The following XIRP2 variants were observed in gnomAD, a reference collection of about 807,000 sequenced individuals.
The protein encoded by XIRP2 is xin actin-binding repeat-containing protein 2.
A neutral mutation model predicts 277.0 loss-of-function variants in XIRP2; 236 were observed. That is an observed-to-expected ratio of 0.85 (90% CI 0.77 to 0.95). The LOEUF is 0.95. Among genes scored for constraint, XIRP2 ranks in the 40% least tolerant of loss-of-function variants. The probability of loss-of-function intolerance (pLI) is 0.00; values close to 1 mark genes in which losing one functional copy is unlikely to be tolerated. For missense variants in XIRP2, 4,640 were observed against 4,157.5 expected (o/e 1.12, Z -3.19); for synonymous variants, 1,490 against 1,416.5 (o/e 1.05, Z -1.17).
At chr2:167,028,581 G>A (rs981220356) in intron 2 of XIRP2, among the ~76,000 whole-genome samples, 1 of 151,906 alleles carries the variant, frequency 6.6e-6, no homozygotes, top group African/African-American at 2.4e-5. Context: ...TATTTGGGAA[G>A]CCTTCCCAAG....
intron 5 of XIRP2, among the ~76,000 whole-genome samples, chr2:167,233,915 A>C (rs967240180): frequency 2.0e-5 from 3 of 151,664 alleles, no homozygotes; most frequent in Non-Finnish European, 4.4e-5. Context: ...TTTATTGTGA[A>C]TTGAATGTCT....
chr2:166,940,613 G>C (rs932879139), intron 2 of XIRP2, among the ~76,000 whole-genome samples: 2 of 152,188 alleles, frequency 1.3e-5, no homozygotes, highest in African/African-American at 4.8e-5. Flanking sequence ...GTGGCGTACA[G>C]ATGGGGTTTT....
At chr2:167,194,857 G>A (rs1693455415) in intron 3 of XIRP2, among the ~76,000 whole-genome samples, 1 of 152,070 alleles carries the variant, frequency 6.6e-6, no homozygotes, top group South Asian at 2.1e-4. Flanking sequence ...AAGTTCTAAA[G>A]CATCAGTCCC....
chr2:167,071,106 T>G (rs1689426776), intron 2 of XIRP2, among the ~76,000 whole-genome samples: 1 of 152,124 alleles, frequency 6.6e-6, no homozygotes. Context: ...CCCGTACACA[T>G]AATATTAAGG....
chr2:167,088,480 A>G (rs78961750), intron 2 of XIRP2, among the ~76,000 whole-genome samples: 2 of 152,276 alleles, frequency 1.3e-5, no homozygotes, highest in Admixed American at 6.5e-5. Flanking sequence ...AGTACAACCT[A>G]TTCTCCACAT....
At chr2:166,961,449 GAA>G (rs1387966984) in intron 2 of XIRP2, among the ~76,000 whole-genome samples, 2 of 151,660 alleles carry the variant, frequency 1.3e-5, no homozygotes, top group Non-Finnish European at 3.0e-5. Flanking sequence ...AGTAAAAAAA[GAA>G]TAACTTCAAA....
intron 5 of XIRP2, among the ~76,000 whole-genome samples, chr2:167,221,460 CAAAAAAAAAAAA>C (rs57006710): frequency 6.3e-5 from 4 of 63,458 alleles, no homozygotes; most frequent in East Asian, 5.5e-4. Context: ...AACTCCATCT[CAAAAAAAAAAAA>C]AAAAAAAAAA....
At chr2:167,038,682 T>C (rs1335604471) in intron 2 of XIRP2, among the ~76,000 whole-genome samples, 1 of 151,804 alleles carries the variant, frequency 6.6e-6, no homozygotes. Context: ...AAATAGAGAG[T>C]CCTATCCATA....
At chr2:167,157,782 G>A (rs756620230) in intron 3 of XIRP2, among the ~76,000 whole-genome samples, 2 of 152,014 alleles carry the variant, frequency 1.3e-5, no homozygotes, top group Non-Finnish European at 2.9e-5. Context: ...TGTTGCAATA[G>A]GAGGAAAAAA....
chr2:167,032,529 A>G (rs1448117197), intron 2 of XIRP2, among the ~76,000 whole-genome samples: 1 of 152,200 alleles, frequency 6.6e-6, no homozygotes, highest in Non-Finnish European at 1.5e-5. Context: ...AGAATGGGAG[A>G]ACATTTTTGC....
chr2:167,233,251 A>G (rs1694809619), intron 5 of XIRP2, among the ~76,000 whole-genome samples: 1 of 151,942 alleles, frequency 6.6e-6, no homozygotes, highest in South Asian at 2.1e-4. Flanking sequence ...ATTGAGGCAT[A>G]AAGCTGGAGA....
At position 167,258,263 on chromosome 2, in the gene XIRP2, C is replaced by T; in HGVS notation, c.*446C>T. ...ACCTGAAATGACAACCCTGCTATCC[C>T]CTGAATTTAAAAGTGAATCTCTGCT... On this transcript the variant is annotated 3_prime_UTR_variant, in exon 11 of 11. Coordinates refer to ENST00000409195, the MANE Select transcript of XIRP2 (RefSeq NM_152381.6). 1 of 1,613,254 alleles carries T rather than the reference C, an allele frequency of 6.2e-7. No individual in the cohort carries two copies. The highest frequency in any genetic ancestry group is 2.2e-5 in the East Asian group (1 of 44,814).
At position 167,251,867 on chromosome 2, in the gene XIRP2, A is replaced by G; in HGVS notation, c.10475A>G (p.Lys3492Arg). Reference sequence around the variant, plus strand: ...TGGCAAGAGAGTGGAAGAGTTTTTAAAGGCCTGGGATATGCAACCGCAGAT... The same window carrying G: ...TGGCAAGAGAGTGGAAGAGTTTTTAGAGGCCTGGGATATGCAACCGCAGAT... ...KTWQESGRVF[K>R]GLGYATADAS... is the part of the protein sequence containing the mutation. The change falls in exon 9 of 11, where the codon AAA becomes AGA. Residue 3492 changes from lysine (K) to arginine (R), a missense_variant. Transcript: ENST00000409195. 4.3e-6 allele frequency: 7 copies of G among 1,610,062 alleles called. No individual in the cohort carries two copies. The highest frequency in any genetic ancestry group is 5.9e-6 in the Non-Finnish European group (7 of 1,178,550).
At position 167,251,722 on chromosome 2, in the gene XIRP2, G is replaced by T. The variant is rs764354401; in HGVS notation, c.10330G>T (p.Ala3444Ser). 1 of 1,613,388 alleles carries T rather than the reference G, an allele frequency of 6.2e-7. No homozygotes were observed. Residue 3444 changes from alanine to serine, a missense_variant, in exon 9 of 11, where the codon GCT (alanine) becomes TCT (serine). Physicochemically the swap from Ala to Ser is moderately conservative, Grantham distance 99. Transcript: ENST00000409195. ...MKTSSSHSSEAGKSGCDFKHA... is the reference protein window; with the variant it reads ...MKTSSSHSSESGKSGCDFKHA... ...AACCTCTTCATCACATAGCTCAGAA[G>T]CTGGCAAATCTGGCTGTGACTTCAA...
chr2:167,036,452 A>G (rs992620506), intron 2 of XIRP2, among the ~76,000 whole-genome samples: 1 of 152,142 alleles, frequency 6.6e-6, no homozygotes, highest in African/African-American at 2.4e-5. Context: ...TCAGACTTGC[A>G]TGGGCCCTGT....
At position 167,246,836 on chromosome 2, in the gene XIRP2, A is replaced by G. The variant is rs1695286153; in HGVS notation, c.5444A>G (p.Asn1815Ser). 1.2e-6 allele frequency: 2 copies of G among 1,613,786 alleles called. No individual in the cohort carries two copies. Among genetic ancestry groups the G allele is most frequent in the East Asian group, 2.2e-5 (1 of 44,860 alleles). The change falls in exon 9 of 11, where the codon AAC (asparagine) becomes AGC (serine). Residue 1815 changes from asparagine to serine, a missense_variant. Transcript: ENST00000409195. ...GACATCATCCCTGGAGATGTGCATAACACAGTTAAGGTTTTTATGACCGAG... is the reference window on the plus strand; with the variant it reads ...GACATCATCCCTGGAGATGTGCATAGCACAGTTAAGGTTTTTATGACCGAG... ...ETDIIPGDVH[N>S]TVKVFMTEPQ...
In XIRP2 at chr2:167,243,277, C is replaced by T. The variant is rs191548363; in HGVS notation, c.1885C>T (p.Leu629Phe). 6.1e-5 allele frequency: 98 copies of T among 1,613,540 alleles called. No individual in the cohort carries two copies. Among genetic ancestry groups the T allele is most frequent in the Non-Finnish European group, 8.0e-5 (94 of 1,179,810 alleles). ...WMFETQPIDT[L>F]GAYSSDTVEN... is the part of the protein sequence containing the mutation. ...GTTTGAAACCCAACCCATCGACACA[C>T]TTGGGGCTTATTCTTCTGACACTGT... The change falls in exon 9 of 11, where the codon CTT (leucine) becomes TTT (phenylalanine). Residue 629 changes from leucine to phenylalanine, a missense_variant. Leu to Phe is a conservative substitution (Grantham distance 22). Transcript: ENST00000409195.
chr2:166,971,674 A>G (rs1476054335), intron 2 of XIRP2, among the ~76,000 whole-genome samples: 1 of 152,156 alleles, frequency 6.6e-6, no homozygotes, highest in African/African-American at 2.4e-5. Flanking sequence ...GTCACTCTAC[A>G]AAATCAGACA....
At chr2:167,128,803 A>G (rs761867257) in intron 2 of XIRP2, among the ~76,000 whole-genome samples, 16 of 152,070 alleles carry the variant, frequency 1.1e-4, no homozygotes, top group Non-Finnish European at 1.6e-4. Flanking sequence ...TTTTGTTACA[A>G]TACTCACTTG....
Sources: gnomAD v4.1 joint callset for allele counts (sites outside exome capture counted in the v4.1 genomes callset) on GRCh38, gnomAD v4.1.1 for gene constraint, MANE v1.5 for transcripts, NCBI Gene and HGNC (gene_info 2026-07-23, HGNC 2026-07-21) for gene names.